BDP1: variants seen among roughly 807,000 people sequenced by gnomAD.
BDP1 encodes BDP1 general transcription factor IIIB subunit, also known as transcription factor TFIIIB component B'' homolog.
BDP1 carries 169 observed loss-of-function variants against 266.6 expected under a neutral mutation model. The ratio of observed to expected loss-of-function variants is 0.63; its 90% confidence interval spans 0.56 to 0.72. BDP1 has a LOEUF of 0.72. BDP1 is among the 30% of genes least tolerant of loss of function. The probability of loss-of-function intolerance (pLI) is 0.00; values close to 1 mark genes in which losing one functional copy is unlikely to be tolerated. For missense variants in BDP1, 3,015 were observed against 3,053.8 expected (o/e 0.99, Z 0.30); for synonymous variants, 1,090 against 1,022.4 (o/e 1.07, Z -1.26).
chr5:71,541,016 C>T (rs1216159864), intron 28 of BDP1, among the ~76,000 whole-genome samples: 1 of 152,152 alleles, frequency 6.6e-6, no homozygotes, highest in Non-Finnish European at 1.5e-5. Context: ...GATTTGTGTT[C>T]TGTATAGGGC....
chr5:71,515,003 G>A lies in BDP1; in HGVS notation c.4530G>A (p.Glu1510=). The A allele has an allele frequency of 3.7e-6, 6 of 1,612,578 alleles. No individual in the cohort carries two copies. The African/African-American group carries it at 4.0e-5, about 11-fold the overall frequency. Residue 1510 remains glutamate, a synonymous_variant, in exon 20 of 39, where the codon GAG becomes GAA. Coordinates refer to ENST00000358731, the MANE Select transcript of BDP1 (RefSeq NM_018429.3). ...EKDTLGHRNE[E]AVILPCTQTE... is the part of the protein sequence containing the mutation. The stretch of plus-strand genomic sequence containing the variant: ...ACACATTAGGTCACAGGAATGAGGA[G>A]GCTGTGATATTGCCATGTACACAGA...
In BDP1 at chr5:71,522,932, T is replaced by TCTCA; in HGVS notation, c.5371_5374dup (p.Asn1792ThrfsTer3). ...CATCTTCAGTTGTTGAAGAGCAATATCTCAATAAACTAACAAGGTAACATT... is the reference window on the plus strand; with the variant it reads ...CATCTTCAGTTGTTGAAGAGCAATATCTCACTCAATAAACTAACAAGGTAACATT... On this transcript the variant is annotated frameshift_variant, in exon 24 of 39. Transcript: ENST00000358731. LOFTEE classifies it high-confidence loss of function. The TCTCA allele has an allele frequency of 6.3e-7, 1 of 1,591,716 alleles. No individual in the cohort carries two copies.
At chr5:71,558,201 G>A (rs1177064031) in intron 36 of BDP1, among the ~76,000 whole-genome samples, 1 of 152,202 alleles carries the variant, frequency 6.6e-6, no homozygotes, top group Non-Finnish European at 1.5e-5. Flanking sequence ...ACAAGATAGA[G>A]AAGGGTTTGA....
chr5:71,497,589 C>T (rs1192894848), intron 13 of BDP1, among the ~76,000 whole-genome samples, 163 bp downstream of exon 13: 2 of 152,198 alleles, frequency 1.3e-5, no homozygotes, highest in East Asian at 3.8e-4. Flanking sequence ...TATTAGTCTC[C>T]TGTTTACACA....
At position 71,541,580 on chromosome 5, in the gene BDP1, C is replaced by G; in HGVS notation, c.6149C>G (p.Ser2050Cys). The G allele has an allele frequency of 6.2e-7, 1 of 1,612,252 alleles. No homozygotes were observed. Among genetic ancestry groups the G allele is most frequent in the South Asian group, 1.1e-5 (1 of 90,794 alleles). ...QELSSPVITT[S>C]PASFEENKIV... ...CTTTCTTCACCTGTCATTACTACAT[C>G]TCCTGCATCATTTGAAGAAAACAAG... is the stretch of plus-strand genomic sequence containing the variant. Residue 2050 changes from serine (S) to cysteine (C), a missense_variant, in exon 29 of 39, where the codon TCT (serine) becomes TGT (cysteine). Ser to Cys is a moderately radical substitution (Grantham distance 112). Transcript: ENST00000358731.
At chr5:71,540,673 C>A (rs779641091) in intron 28 of BDP1, among the ~76,000 whole-genome samples, 6 of 152,134 alleles carry the variant, frequency 3.9e-5, no homozygotes, top group Non-Finnish European at 8.8e-5. Context: ...TGCAGCAGCT[C>A]ATGCCAATAA....
Position 71,457,811 on chromosome 5 carries a change from A to G in BDP1, c.213-768A>G, listed in dbSNP as rs555638596. 3.1e-4 allele frequency among the ~76,000 whole-genome samples: 47 copies of G among 152,348 alleles called. 1 individual carries two copies. The highest frequency in any genetic ancestry group is 1.1e-3 in the African/African-American group (47 of 41,588). On this transcript the variant is annotated intron_variant, in intron 1 of 38. Coordinates refer to ENST00000358731, the MANE Select transcript of BDP1 (RefSeq NM_018429.3). ...ATTTTCTAATTTTTTATAAGTAATT[A>G]TAAAATAGGAAAAAAGTAGACTGTT...
chr5:71,458,462 A>ATT, intron 1 of BDP1, 117 bp from the exon 2 acceptor site: 31 of 606,952 alleles, frequency 5.1e-5, no homozygotes, highest in East Asian at 1.0e-4. Flanking sequence ...CAAGTTACTA[A>ATT]TTTTTTTTTT....
chr5:71,464,921 G>A (rs1383077911), intron 4 of BDP1, among the ~76,000 whole-genome samples: 7 of 151,886 alleles, frequency 4.6e-5, no homozygotes, highest in African/African-American at 1.2e-4. Flanking sequence ...GTTTTACCAC[G>A]TTGGTCAGGA....
chr5:71,475,005 A>G (rs1580007176), intron 7 of BDP1, among the ~76,000 whole-genome samples: 2 of 152,126 alleles, frequency 1.3e-5, no homozygotes, highest in Admixed American at 6.5e-5. Flanking sequence ...CTTGCCAGCT[A>G]TTGGTAGTCT....
chr5:71,499,767 T>C (rs1008921203), intron 13 of BDP1, among the ~76,000 whole-genome samples: 11 of 152,234 alleles, frequency 7.2e-5, no homozygotes, highest in Non-Finnish European at 1.3e-4. Flanking sequence ...ATGTTCAGAT[T>C]GTTTCTATTT....
intron 25 of BDP1, 79 bp from the exon 26 acceptor site, chr5:71,532,229 C>T: frequency 8.0e-7 from 1 of 1,247,608 alleles, no homozygotes; most frequent in South Asian, 1.5e-5. Context: ...TTTCATCTTA[C>T]TTATTCATGT....
intron 38 of BDP1, chr5:71,562,779 C>G: frequency 7.3e-7 from 1 of 1,370,892 alleles, no homozygotes; most frequent in Non-Finnish European, 9.6e-7. Flanking sequence ...ATCTAGAGAC[C>G]CTTCTGACTT....
chr5:71,513,260 A>G lies in BDP1; in HGVS notation c.4323A>G (p.Pro1441=). 1 of 1,613,808 alleles carries G rather than the reference A, an allele frequency of 6.2e-7. No homozygotes were observed. Among genetic ancestry groups the G allele is most frequent in the Non-Finnish European group, 8.5e-7 (1 of 1,179,966 alleles). Residue 1441 remains proline, a synonymous_variant, in exon 19 of 39, where the codon CCA becomes CCG. Coordinates refer to ENST00000358731, the MANE Select transcript of BDP1 (RefSeq NM_018429.3). Reference sequence around the variant, plus strand: ...TTGTGAGGAGCCGATTCAAAAGACCAAAACCAAACTTAGCAAGAGCAGCTT... The same window carrying G: ...TTGTGAGGAGCCGATTCAAAAGACCGAAACCAAACTTAGCAAGAGCAGCTT... ...APFVRSRFKR[P]KPNLARAALK...
In BDP1 at chr5:71,510,575, G is replaced by A; in HGVS notation, c.3483G>A (p.Glu1161=). 6.2e-7 allele frequency: 1 copy of A among 1,614,190 alleles called. No homozygotes were observed. Among genetic ancestry groups the A allele is most frequent in the Non-Finnish European group, 8.5e-7 (1 of 1,180,036 alleles). ...REISPEENGP[E]EVKPVDEMET... ...TATCCCCAGAGGAAAATGGCCCAGA[G>A]GAGGTCAAGCCTGTAGATGAAATGG... The change falls in exon 17 of 39, where the codon GAG becomes GAA. Residue 1161 remains glutamate (E), a synonymous_variant. Transcript: ENST00000358731.
intron 6 of BDP1, among the ~76,000 whole-genome samples, chr5:71,468,326 T>TG (rs1397635674): frequency 6.6e-6 from 1 of 151,906 alleles, no homozygotes; most frequent in Non-Finnish European, 1.5e-5. Context: ...GCCTGTGTTT[T>TG]GGATTTTTTG....
intron 36 of BDP1, among the ~76,000 whole-genome samples, chr5:71,557,481 C>A (rs1214596620): frequency 1.4e-5 from 2 of 145,874 alleles, no homozygotes; most frequent in African/African-American, 2.6e-5. Flanking sequence ...GCCTCCTGGG[C>A]TCACACCATT....
At chr5:71,483,461 T>C (rs1393133577) in intron 7 of BDP1, among the ~76,000 whole-genome samples, 3 of 152,254 alleles carry the variant, frequency 2.0e-5, no homozygotes, top group Admixed American at 1.3e-4. Flanking sequence ...CTCTCCATGC[T>C]ACTTGAAATA....
intron 7 of BDP1, among the ~76,000 whole-genome samples, 171 bp downstream of exon 7, chr5:71,470,660 C>T (rs1006925133): frequency 2.0e-5 from 3 of 151,606 alleles, no homozygotes; most frequent in Admixed American, 6.6e-5. Context: ...ACAGTCTCGG[C>T]TCACTGCAAC....
Sources: gnomAD v4.1 joint callset for allele counts (sites outside exome capture counted in the v4.1 genomes callset) on GRCh38, gnomAD v4.1.1 for gene constraint, MANE v1.5 for transcripts, NCBI Gene and HGNC (gene_info 2026-07-23, HGNC 2026-07-21) for gene names.